The following SEMA3A variants were observed in gnomAD, a reference collection of about 807,000 sequenced individuals.
The protein encoded by SEMA3A is semaphorin-3A.
SEMA3A carries 29 observed loss-of-function variants against 97.9 expected under a neutral mutation model. The ratio of observed to expected loss-of-function variants is 0.30; its 90% CI spans 0.22 to 0.40. SEMA3A has a LOEUF of 0.40. Ranked by LOEUF, SEMA3A falls within the 10% of genes least tolerant of loss-of-function variation. SEMA3A has a pLI of 1.00. For synonymous variants in SEMA3A, 321 were observed against 323.7 expected, an observed-to-expected ratio of 0.99 and a Z score of 0.09; for missense variants, 763 against 951.3, an observed-to-expected ratio of 0.80 and a Z score of 2.60.
At chr7:83,969,927 A>T (rs555540767) in intron 15 of SEMA3A, among the ~76,000 whole-genome samples, 1 of 152,312 alleles carries the variant, frequency 6.6e-6, no homozygotes, top group East Asian at 1.9e-4. Flanking sequence ...GGGCTTCCAG[A>T]AAGAAAGCAA....
chr7:84,143,090 T>C (rs1796344486), intron 1 of SEMA3A, among the ~76,000 whole-genome samples: 1 of 152,148 alleles, frequency 6.6e-6, no homozygotes, highest in South Asian at 2.1e-4. Flanking sequence ...TAACTCCCCA[T>C]AATGTCTTTC....
intron 3 of SEMA3A, among the ~76,000 whole-genome samples, chr7:84,272,596 T>G (rs1355505211): frequency 6.6e-6 from 1 of 152,092 alleles, no homozygotes; most frequent in Non-Finnish European, 1.5e-5. Flanking sequence ...TACTATTTTA[T>G]TCCACCAATT....
At chr7:84,488,459 T>C (rs1444031787) in intron 1 of SEMA3A, among the ~76,000 whole-genome samples, 4 of 152,018 alleles carry the variant, frequency 2.6e-5, no homozygotes, top group African/African-American at 9.7e-5. Context: ...TTAAAGTCTT[T>C]GAAAGTGGTT....
At chr7:84,329,983 A>G (rs1801874566) in intron 2 of SEMA3A, among the ~76,000 whole-genome samples, 1 of 152,038 alleles carries the variant, frequency 6.6e-6, no homozygotes. Flanking sequence ...TAATTCAATA[A>G]TAGTGATTTT....
At chr7:84,168,581 A>C (rs531982517) in intron 1 of SEMA3A, among the ~76,000 whole-genome samples, 1 of 152,096 alleles carries the variant, frequency 6.6e-6, no homozygotes, top group African/African-American at 2.4e-5. Context: ...AACTGGCAGT[A>C]GAAATCGACG....
Position 84,290,110 on chromosome 7 carries a change from G to T in SEMA3A, c.-83+17097C>A, listed in dbSNP as rs1800704195. Among the ~76,000 whole-genome samples the T allele has an allele frequency of 2.0e-5, 3 of 152,044 alleles. No homozygotes were observed. The South Asian group carries it at 6.2e-4, about 32-fold the overall frequency. On this transcript the variant is annotated intron_variant, in intron 3 of 3. Transcript: ENST00000424555. ...TTAGGGTGAGAAGTGGGAGAGAATGGGGTGTAAGAGCTAGTGGTTTCCTTT... is the reference window on the plus strand; with the variant it reads ...TTAGGGTGAGAAGTGGGAGAGAATGTGGTGTAAGAGCTAGTGGTTTCCTTT...
In SEMA3A at chr7:84,408,043, G is replaced by C. The variant is rs539791587; in HGVS notation, c.-245-36143C>G. 7.0e-4 allele frequency among the ~76,000 whole-genome samples: 106 copies of C among 152,274 alleles called. 1 individual carries two copies. Among genetic ancestry groups the C allele is most frequent in the African/African-American group, 2.4e-3 (98 of 41,560 alleles). Reference sequence around the variant, plus strand: ...GCAACAAAAGCCAAAATTGACAAATGGGATCTAATTAAACTAAAGAGCTTC... The same window carrying C: ...GCAACAAAAGCCAAAATTGACAAATCGGATCTAATTAAACTAAAGAGCTTC... On this transcript the variant is annotated intron_variant, in intron 1 of 3. Coordinates refer to the SEMA3A transcript ENST00000424555.
rs543356347 is a variant in SEMA3A, at chr7:84,386,309, T to C, written c.-245-14409A>G. Among the ~76,000 whole-genome samples the C allele has an allele frequency of 5.3e-5, 8 of 152,332 alleles. No homozygotes were observed. In the South Asian group the frequency reaches 1.7e-3, roughly 32 times the overall value. On this transcript the variant is annotated intron_variant, in intron 1 of 3. Transcript: ENST00000424555. The stretch of plus-strand genomic sequence containing the variant: ...CATATTTGGGCACCTCTTTGGGCAC[T>C]GTTTTTGCAGCAGCTCTGTAATCCA...
chr7:84,078,419 G>A (rs1172462641), intron 4 of SEMA3A, among the ~76,000 whole-genome samples: 1 of 152,008 alleles, frequency 6.6e-6, no homozygotes, highest in Admixed American at 6.6e-5. Flanking sequence ...TCACCTGCAT[G>A]AGCACTGTAG....
At chr7:84,206,381 G>T (rs1170411524) in intron 3 of SEMA3A, among the ~76,000 whole-genome samples, 1 of 145,948 alleles carries the variant, frequency 6.9e-6, no homozygotes, top group African/African-American at 2.5e-5. Context: ...GGAGTGCAGT[G>T]GCATGATCTT....
intron 4 of SEMA3A, among the ~76,000 whole-genome samples, chr7:84,067,807 A>G (rs1343983707): frequency 2.7e-5 from 4 of 150,076 alleles, no homozygotes; most frequent in African/African-American, 9.8e-5. Flanking sequence ...AAATAGGAAC[A>G]CTTTTACACT....
At chr7:83,965,442 A>T (rs529849898) in intron 15 of SEMA3A, among the ~76,000 whole-genome samples, 1 of 151,300 alleles carries the variant, frequency 6.6e-6, no homozygotes, top group Non-Finnish European at 1.5e-5. Context: ...TTATAACTGC[A>T]ACTGACTTGT....
chr7:84,196,874 A>C (rs1798244569), upstream of SEMA3A, among the ~76,000 whole-genome samples: 2 of 152,054 alleles, frequency 1.3e-5, no homozygotes, highest in Non-Finnish European at 2.9e-5. Flanking sequence ...AAATATATTT[A>C]TATTTTTACT....
chr7:84,349,542 A>G (rs937822936), intron 2 of SEMA3A, among the ~76,000 whole-genome samples: 4 of 152,184 alleles, frequency 2.6e-5, no homozygotes, highest in African/African-American at 9.7e-5. Flanking sequence ...GGTTTTCCTG[A>G]ATAAGTGAGC....
intron 6 of SEMA3A, among the ~76,000 whole-genome samples, chr7:84,022,113 GTC>G (rs200891275): frequency 0.01 from 1,549 of 152,214 alleles, 24 homozygotes; most frequent in Non-Finnish European, 0.012. Context: ...TAGAAAACAT[GTC>G]TCTCAATTTT....
intron 4 of SEMA3A, among the ~76,000 whole-genome samples, chr7:84,091,914 TA>T (rs569558177): frequency 5.6e-4 from 85 of 152,246 alleles, no homozygotes; most frequent in African/African-American, 1.9e-3. Context: ...TCCATAATAT[TA>T]AAATGTTATA....
intron 10 of SEMA3A, among the ~76,000 whole-genome samples, chr7:84,006,789 A>G (rs1790686690): frequency 6.6e-6 from 1 of 152,180 alleles, no homozygotes; most frequent in South Asian, 2.1e-4. Context: ...CTTGAAAAAT[A>G]TTAATAATTC....
Position 83,958,491 on chromosome 7 carries a change from G to C in SEMA3A, c.*2880C>G, listed in dbSNP as rs1292090898. On this transcript the variant is annotated 3_prime_UTR_variant, in exon 17 of 17. Transcript: ENST00000265362. Reference sequence around the variant, plus strand: ...AAGATATGGAACATATTTCCTACCTGGCAAAAAACATGCTTATTGAACGGG... The same window carrying C: ...AAGATATGGAACATATTTCCTACCTCGCAAAAAACATGCTTATTGAACGGG... The C allele has an allele frequency of 6.6e-6, 1 of 152,324 alleles. No homozygotes were observed. The highest frequency in any genetic ancestry group is 1.5e-5 in the Non-Finnish European group (1 of 67,908). 9.4% of individuals were successfully genotyped at this position (152,324 alleles called of 1,614,324 possible).
intron 1 of SEMA3A, among the ~76,000 whole-genome samples, chr7:84,190,839 T>G (rs1798016293): frequency 6.6e-6 from 1 of 150,388 alleles, no homozygotes; most frequent in African/African-American, 2.4e-5. Context: ...CTGAGGTTAT[T>G]TTCACAATTA....
Sources: allele counts gnomAD v4.1 joint callset (sites outside exome capture counted in the v4.1 genomes callset), GRCh38; gene constraint gnomAD v4.1.1; transcripts MANE v1.5; gene names NCBI Gene and HGNC (gene_info 2026-07-23, HGNC 2026-07-21).